MTHFD2L: variants seen among roughly 807,000 people sequenced by gnomAD.
MTHFD2L encodes methylenetetrahydrofolate dehydrogenase (NADP+ dependent) 2 like.
A neutral mutation model predicts 34.9 loss-of-function variants in MTHFD2L; 29 were observed. That is an observed-to-expected ratio of 0.83 (90% CI 0.62 to 1.13). The LOEUF (loss-of-function observed/expected upper bound fraction) is 1.13, where lower values mean the gene tolerates loss of function less well. MTHFD2L is among the 50% of genes most tolerant of loss of function. The pLI is 0.00. For missense variants in MTHFD2L, 481 were observed against 446.5 expected (o/e 1.08, Z -0.70); for synonymous variants, 167 against 155.7 (o/e 1.07, Z -0.54).
chr4:74,250,985 T>A (rs1159253353), intron 6 of MTHFD2L, among the ~76,000 whole-genome samples: 1 of 152,204 alleles, frequency 6.6e-6, no homozygotes, highest in African/African-American at 2.4e-5. Flanking sequence ...ACCAGCATAT[T>A]ACAGAATTTT....
intron 6 of MTHFD2L, among the ~76,000 whole-genome samples, chr4:74,271,831 C>G (rs899425886): frequency 6.6e-6 from 1 of 152,036 alleles, no homozygotes; most frequent in Non-Finnish European, 1.5e-5. Flanking sequence ...TTGTTTGTAT[C>G]CTCTTTTATT....
At chr4:74,148,320 C>CA (rs1216756880) in intron 1 of MTHFD2L, among the ~76,000 whole-genome samples, 1 of 149,906 alleles carries the variant, frequency 6.7e-6, no homozygotes, top group Non-Finnish European at 1.5e-5. Context: ...TGTGGTCCCC[C>CA]CCTTTTTTAT....
At chr4:74,217,166 C>T (rs1406875670) in intron 5 of MTHFD2L, among the ~76,000 whole-genome samples, 1 of 151,812 alleles carries the variant, frequency 6.6e-6, no homozygotes, top group Non-Finnish European at 1.5e-5. Context: ...CACCTGGTTT[C>T]CTTTCTTCCT....
intron 3 of MTHFD2L, among the ~76,000 whole-genome samples, chr4:74,198,935 G>T (rs1247438402): frequency 6.6e-6 from 1 of 152,076 alleles, no homozygotes; most frequent in Admixed American, 6.5e-5. Context: ...CCAAGGCATA[G>T]CTTTCTGAAA....
intron 6 of MTHFD2L, among the ~76,000 whole-genome samples, chr4:74,277,308 C>A (rs1057314342): frequency 6.6e-6 from 1 of 151,906 alleles, no homozygotes; most frequent in African/African-American, 2.4e-5. Context: ...ACTCAATACA[C>A]CCTAGATACC....
chr4:74,193,151 T>C (rs991289294), intron 3 of MTHFD2L, among the ~76,000 whole-genome samples: 2 of 152,166 alleles, frequency 1.3e-5, no homozygotes, highest in Non-Finnish European at 2.9e-5. Context: ...TCATAGTAAG[T>C]TTTGCCACCC....
intron 6 of MTHFD2L, among the ~76,000 whole-genome samples, chr4:74,271,000 C>T (rs1408761261): frequency 1.3e-5 from 2 of 152,032 alleles, no homozygotes; most frequent in East Asian, 1.9e-4. Context: ...TATCCTTCGC[C>T]CACTTGTTGA....
chr4:74,148,229 A>C (rs955664261), intron 1 of MTHFD2L, among the ~76,000 whole-genome samples: 4 of 152,066 alleles, frequency 2.6e-5, no homozygotes, highest in South Asian at 2.1e-4. Context: ...CTACTTTTGT[A>C]TAGGGTAGCT....
intron 1 of MTHFD2L, among the ~76,000 whole-genome samples, chr4:74,171,571 GA>G (rs1434435860): frequency 1.3e-5 from 2 of 152,172 alleles, no homozygotes; most frequent in African/African-American, 2.4e-5. Flanking sequence ...GGGAGGCCAA[GA>G]GGGGCAGATC....
chr4:74,270,504 C>A (rs1042853608), intron 6 of MTHFD2L, among the ~76,000 whole-genome samples: 2 of 152,268 alleles, frequency 1.3e-5, no homozygotes, highest in East Asian at 3.9e-4. Flanking sequence ...ATGAACTCAT[C>A]ATTTTTTATG....
chr4:74,155,984 C>A (rs1456899816), upstream of MTHFD2L, among the ~76,000 whole-genome samples: 2 of 150,040 alleles, frequency 1.3e-5, no homozygotes, highest in African/African-American at 4.9e-5. Context: ...AACATACAAA[C>A]AAAATTTAAT....
upstream of MTHFD2L, among the ~76,000 whole-genome samples, chr4:74,119,782 CA>C (rs1052347923): frequency 2.0e-5 from 3 of 147,146 alleles, no homozygotes; most frequent in South Asian, 2.1e-4. Context: ...GACTCCATCT[CA>C]AAAAAAAACA....
chr4:74,298,358 T>C (rs1410526166), intron 7 of MTHFD2L, among the ~76,000 whole-genome samples: 1 of 152,036 alleles, frequency 6.6e-6, no homozygotes, highest in East Asian at 1.9e-4. Flanking sequence ...TGAAAACTGA[T>C]AGGCAGGACA....
intron 3 of MTHFD2L, among the ~76,000 whole-genome samples, chr4:74,179,229 A>C (rs951927511): frequency 1.3e-5 from 2 of 152,084 alleles, no homozygotes; most frequent in African/African-American, 4.8e-5. Context: ...ACTGTCTCTC[A>C]GAACATAGTA....
At chr4:74,252,092 G>T (rs943619140) in intron 6 of MTHFD2L, among the ~76,000 whole-genome samples, 14 of 152,242 alleles carry the variant, frequency 9.2e-5, no homozygotes, top group Non-Finnish European at 1.8e-4. Context: ...GGTGCTGGGT[G>T]CTGGGAAAGA....
intron 5 of MTHFD2L, among the ~76,000 whole-genome samples, chr4:74,221,577 T>G (rs1189003613): frequency 5.3e-5 from 8 of 151,950 alleles, no homozygotes; most frequent in Non-Finnish European, 1.2e-4. Context: ...GGCATTTTCC[T>G]GCTACATGTT....
intron 2 of MTHFD2L, among the ~76,000 whole-genome samples, chr4:74,117,916 A>G (rs561259405): frequency 6.6e-6 from 1 of 152,310 alleles, no homozygotes; most frequent in South Asian, 2.1e-4. Context: ...CTTATCGATG[A>G]TATAATACTC....
intron 5 of MTHFD2L, among the ~76,000 whole-genome samples, chr4:74,218,230 A>G (rs1233948798): frequency 3.3e-5 from 5 of 152,096 alleles, no homozygotes; most frequent in Admixed American, 3.3e-4. Flanking sequence ...AAATCTTTCT[A>G]TAAGTAAAAC....
At chr4:74,287,368 T>G (rs1215097431) in intron 7 of MTHFD2L, among the ~76,000 whole-genome samples, 1 of 152,184 alleles carries the variant, frequency 6.6e-6, no homozygotes, top group Non-Finnish European at 1.5e-5. Flanking sequence ...AACTCTTAGG[T>G]TGTTTCCATT....
Sources: allele counts gnomAD v4.1 joint callset (sites outside exome capture counted in the v4.1 genomes callset), GRCh38; gene constraint gnomAD v4.1.1; transcripts MANE v1.5; gene names NCBI Gene and HGNC (gene_info 2026-07-23, HGNC 2026-07-21).